Variants in SYNE1 observed in about 807,000 individuals in gnomAD.
The protein encoded by SYNE1 is spectrin repeat containing nuclear envelope protein 1.
Under a neutral mutation model 1,111.0 loss-of-function variants are expected in SYNE1, and 616 were observed. That is an observed-to-expected ratio of 0.55 (90% confidence interval 0.52 to 0.59). The LOEUF (loss-of-function observed/expected upper bound fraction) is 0.59, where lower values mean the gene tolerates loss of function less well. Among genes scored for constraint, SYNE1 ranks in the 20% least tolerant of loss-of-function variants. SYNE1 has a pLI of 0.00. For synonymous variants in SYNE1, 3,855 were observed against 3,825.8 expected (o/e 1.01, Z -0.28); for missense variants, 10,006 against 10,417.0 (o/e 0.96, Z 1.72).
Position 152,373,077 on chromosome 6 carries a change from T to C in SYNE1, c.9467A>G (p.Asn3156Ser). Residue 3156 changes from asparagine to serine, a missense_variant, in exon 59 of 146, where the codon AAT becomes AGT. By Grantham distance (46) the Asn-to-Ser change is conservative. Transcript: ENST00000367255. ...TTTTTGGTGGAGATTTGAATGAAAA[T>C]TTTTCCAATCTTCTTTTGCAGCTGT... ...KVTAAKEDWK[N>S]FHSNLHQKES... 6.2e-7 allele frequency: 1 copy of C among 1,614,080 alleles called. No individual in the cohort carries two copies. Among genetic ancestry groups the C allele is most frequent in the South Asian group, 1.1e-5 (1 of 91,070 alleles).
chr6:152,355,832 T>C (rs2096827562), intron 66 of SYNE1, among the ~76,000 whole-genome samples: 1 of 152,192 alleles, frequency 6.6e-6, no homozygotes, highest in Non-Finnish European at 1.5e-5. Flanking sequence ...CTCAATACTA[T>C]ATTTTAAAAA....
At chr6:152,153,353 T>C (rs751924250) in intron 133 of SYNE1, among the ~76,000 whole-genome samples, 24 of 152,320 alleles carry the variant, frequency 1.6e-4, no homozygotes, top group Middle Eastern at 6.8e-3. Flanking sequence ...AGCACACCCA[T>C]GTCCATCCCA....
At chr6:152,292,418 G>A (rs2094648963) in intron 95 of SYNE1, among the ~76,000 whole-genome samples, 1 of 152,078 alleles carries the variant, frequency 6.6e-6, no homozygotes, top group Non-Finnish European at 1.5e-5. Context: ...CCAAAATAAG[G>A]CCTAAAAATG....
At chr6:152,501,260 T>C (rs1191156674) in intron 10 of SYNE1, among the ~76,000 whole-genome samples, 1 of 152,038 alleles carries the variant, frequency 6.6e-6, no homozygotes, top group Non-Finnish European at 1.5e-5. Flanking sequence ...ATTAAAAGAA[T>C]GGTCATGTCC....
At chr6:152,443,694 A>G (rs2098552940) in intron 30 of SYNE1, among the ~76,000 whole-genome samples, 1 of 152,108 alleles carries the variant, frequency 6.6e-6, no homozygotes, top group Admixed American at 6.5e-5. Flanking sequence ...ACACACAAAC[A>G]TATTATATAA....
chr6:152,461,807 A>G, intron 20 of SYNE1, 67 bp from the exon 21 acceptor site: 12 of 1,605,300 alleles, frequency 7.5e-6, no homozygotes, highest in Non-Finnish European at 9.4e-6. Flanking sequence ...CGGATTCCAC[A>G]GAAGGCAGAA....
At chr6:152,298,743 T>G (rs1375071662) in intron 93 of SYNE1, among the ~76,000 whole-genome samples, 1 of 152,154 alleles carries the variant, frequency 6.6e-6, no homozygotes, top group Non-Finnish European at 1.5e-5. Flanking sequence ...GCATCACCGG[T>G]CATGGTGTCA....
intron 100 of SYNE1, among the ~76,000 whole-genome samples, chr6:152,265,658 C>T (rs1425834023): frequency 2.0e-5 from 3 of 152,096 alleles, no homozygotes; most frequent in Non-Finnish European, 4.4e-5. Context: ...CGTACAACAC[C>T]AGTAGCAAAC....
At chr6:152,133,719 C>A (rs937247095) in intron 142 of SYNE1, 2 of 578,286 alleles carry the variant, frequency 3.5e-6, no homozygotes, top group Non-Finnish European at 6.2e-6. Context: ...TGATTTGATG[C>A]CTGGTCCACA....
At chr6:152,123,199 A>G (rs977810703) in intron 145 of SYNE1, among the ~76,000 whole-genome samples, 6 of 152,228 alleles carry the variant, frequency 3.9e-5, no homozygotes, top group Non-Finnish European at 8.8e-5. Context: ...GACCCATAAA[A>G]GCTTCATTAA....
chr6:152,504,485 G>C (rs1260312470), intron 9 of SYNE1, among the ~76,000 whole-genome samples: 4 of 152,282 alleles, frequency 2.6e-5, no homozygotes, highest in Admixed American at 6.5e-5. Context: ...AGGAAGGGTA[G>C]GGAGGAGAGG....
At chr6:152,614,144 A>G (rs1325804147) in intron 3 of SYNE1, among the ~76,000 whole-genome samples, 1 of 152,214 alleles carries the variant, frequency 6.6e-6, no homozygotes, top group Non-Finnish European at 1.5e-5. Flanking sequence ...ATGGGATCTA[A>G]TTAAACTAAA....
chr6:152,270,980 C>G (rs36069217), intron 98 of SYNE1, among the ~76,000 whole-genome samples: 10,193 of 152,240 alleles, frequency 0.067, 468 homozygotes, highest in Admixed American at 0.15. Context: ...GACAGCAGGG[C>G]TGGCGTACCA....
chr6:152,357,583 A>G (rs1477397706), intron 66 of SYNE1, among the ~76,000 whole-genome samples: 3 of 152,128 alleles, frequency 2.0e-5, no homozygotes, highest in Non-Finnish European at 1.5e-5. Context: ...TCCTTAAGGT[A>G]AGTTTATGGG....
intron 62 of SYNE1, chr6:152,366,844 G>T (rs375764121): frequency 8.2e-5 from 31 of 376,724 alleles, no homozygotes; most frequent in Middle Eastern, 9.2e-4. Context: ...GATGGGAGGA[G>T]AATTGGCTAA....
intron 98 of SYNE1, among the ~76,000 whole-genome samples, chr6:152,274,778 T>C (rs2093471673): frequency 6.6e-6 from 1 of 152,152 alleles, no homozygotes; most frequent in Non-Finnish European, 1.5e-5. Flanking sequence ...GTATTTTTAG[T>C]ATAGACGGAG....
At chr6:152,523,256 T>C (rs2154351254) in intron 5 of SYNE1, among the ~76,000 whole-genome samples, 1 of 152,258 alleles carries the variant, frequency 6.6e-6, no homozygotes, top group South Asian at 2.1e-4. Flanking sequence ...GGGTCCAGTT[T>C]CATTCTTTTA....
intron 104 of SYNE1, among the ~76,000 whole-genome samples, chr6:152,252,206 A>G (rs1036017029): frequency 6.6e-6 from 1 of 152,164 alleles, no homozygotes; most frequent in Admixed American, 6.5e-5. Flanking sequence ...CGGGAGGCAG[A>G]GGTTGCAGTG....
intron 61 of SYNE1, chr6:152,368,593 G>A (rs1467667371): frequency 5.0e-6 from 1 of 198,392 alleles, no homozygotes; most frequent in Non-Finnish European, 1.1e-5. Flanking sequence ...TTTAATCTGG[G>A]ATTATTTAGA....
Sources: gnomAD v4.1 joint callset for allele counts (sites outside exome capture counted in the v4.1 genomes callset) on GRCh38, gnomAD v4.1.1 for gene constraint, MANE v1.5 for transcripts, NCBI Gene and HGNC (gene_info 2026-07-23, HGNC 2026-07-21) for gene names.